The following EPB41L4A variants were observed in gnomAD, a reference collection of about 807,000 sequenced individuals.
EPB41L4A encodes the protein erythrocyte membrane protein band 4.1 like 4A.
In EPB41L4A, 100 loss-of-function variants were observed where a neutral mutation model predicts 108.6. The ratio of observed to expected loss-of-function variants is 0.92; its 90% CI spans 0.78 to 1.09. The LOEUF is 1.09. Among genes scored for constraint, EPB41L4A ranks in the 50% least tolerant of loss-of-function variants. EPB41L4A has a pLI of 0.00. For missense variants in EPB41L4A, 1,030 were observed against 842.7 expected, an observed-to-expected ratio of 1.22 and a Z score of -2.75; for synonymous variants, 319 against 289.0, an observed-to-expected ratio of 1.10 and a Z score of -1.05.
rs541086405 is a variant in EPB41L4A at position 112,330,482 on chromosome 5, C to G, written c.100-22992G>C. On this transcript the variant is annotated intron_variant, in intron 1 of 22. Coordinates refer to ENST00000261486, the MANE Select transcript of EPB41L4A (RefSeq NM_022140.5). The stretch of plus-strand genomic sequence containing the variant: ...CGCATTGTCTTAAGTTTTAAAAAAG[C>G]AGGATGCAGGGTATCAGTGGCTTGC... Among the ~76,000 whole-genome samples, 3 of 151,976 alleles carry G rather than the reference C, an allele frequency of 2.0e-5. 1 individual carries two copies. The South Asian group carries it at 6.2e-4, about 32-fold the overall frequency.
intron 1 of EPB41L4A, among the ~76,000 whole-genome samples, chr5:112,329,660 T>C (rs914576163): frequency 7.9e-5 from 12 of 152,206 alleles, no homozygotes; most frequent in African/African-American, 2.9e-4. Context: ...TCTGATTTTA[T>C]CTGTTCAGTG....
intron 1 of EPB41L4A, among the ~76,000 whole-genome samples, chr5:112,390,183 T>C (rs888953623): frequency 6.6e-6 from 1 of 152,100 alleles, no homozygotes; most frequent in Middle Eastern, 3.2e-3. Flanking sequence ...GGTTCATCTA[T>C]TTGGGACTGG....
At chr5:112,190,473 T>C (rs1449448302) in intron 17 of EPB41L4A, among the ~76,000 whole-genome samples, 1 of 151,964 alleles carries the variant, frequency 6.6e-6, no homozygotes, top group African/African-American at 2.4e-5. Flanking sequence ...AGAATCCTGG[T>C]GTAAAAATAA....
chr5:112,181,965 C>G (rs1761179844), intron 18 of EPB41L4A, among the ~76,000 whole-genome samples: 1 of 151,622 alleles, frequency 6.6e-6, no homozygotes, highest in African/African-American at 2.4e-5. Context: ...CCCAGCTACT[C>G]AGGAGGCTGA....
At chr5:112,347,482 C>T (rs1010655121) in intron 1 of EPB41L4A, among the ~76,000 whole-genome samples, 1 of 152,158 alleles carries the variant, frequency 6.6e-6, no homozygotes, top group Non-Finnish European at 1.5e-5. Context: ...TTTCACTCCC[C>T]CACAATTCCA....
chr5:112,271,369 C>A (rs1030780436), intron 4 of EPB41L4A, among the ~76,000 whole-genome samples: 6 of 152,270 alleles, frequency 3.9e-5, no homozygotes, highest in African/African-American at 1.4e-4. Flanking sequence ...CTACCTTTAT[C>A]ATTATTGAAC....
chr5:112,323,581 C>T (rs1010468046), intron 1 of EPB41L4A, among the ~76,000 whole-genome samples: 3 of 152,154 alleles, frequency 2.0e-5, no homozygotes, highest in Admixed American at 6.5e-5. Flanking sequence ...CTCAGTCCCA[C>T]AAATCTTATT....
At chr5:112,391,759 C>A (rs963604187) in intron 1 of EPB41L4A, among the ~76,000 whole-genome samples, 2 of 152,000 alleles carry the variant, frequency 1.3e-5, no homozygotes, top group South Asian at 2.1e-4. Context: ...AGAAGAGCAA[C>A]CCCAAGACAC....
intron 4 of EPB41L4A, among the ~76,000 whole-genome samples, chr5:112,274,326 A>G (rs549682407): frequency 8.5e-5 from 13 of 152,250 alleles, no homozygotes; most frequent in African/African-American, 3.1e-4. Flanking sequence ...TCTTTTCATC[A>G]ATCAATCAAT....
At chr5:112,363,418 CAA>C (rs70973635) in intron 1 of EPB41L4A, 56 of 94,898 alleles carry the variant, frequency 5.9e-4, no homozygotes, top group Middle Eastern at 5.3e-3. Flanking sequence ...CTTGACTCTA[CAA>C]AAAAAAAAAA....
chr5:112,238,629 T>C (rs959777814), intron 11 of EPB41L4A, among the ~76,000 whole-genome samples: 3 of 152,224 alleles, frequency 2.0e-5, no homozygotes, highest in African/African-American at 7.2e-5. Context: ...CATTCAGTGA[T>C]GTCTCCAATG....
At chr5:112,268,505 TTCC>T (rs1752026913) in intron 4 of EPB41L4A, among the ~76,000 whole-genome samples, 1 of 152,202 alleles carries the variant, frequency 6.6e-6, no homozygotes, top group African/African-American at 2.4e-5. Context: ...CAAATTTCTT[TTCC>T]TGAAGTGTAT....
At chr5:112,322,611 T>C (rs187554115) in intron 1 of EPB41L4A, among the ~76,000 whole-genome samples, 2 of 152,054 alleles carry the variant, frequency 1.3e-5, no homozygotes, top group Non-Finnish European at 2.9e-5. Context: ...ACTGTGCCGG[T>C]GAGCCAAACT....
chr5:112,220,922 A>T (rs1580460453), intron 12 of EPB41L4A, among the ~76,000 whole-genome samples: 2 of 152,314 alleles, frequency 1.3e-5, no homozygotes, highest in East Asian at 3.9e-4. Context: ...TATTACCATT[A>T]GAATATACCC....
chr5:112,276,725 T>C (rs4415122), intron 3 of EPB41L4A, among the ~76,000 whole-genome samples: 151,962 of 152,326 alleles, frequency 1, 75,800 homozygotes, highest in Middle Eastern at 1. Flanking sequence ...GAAATTAAAA[T>C]GAACAAGAAT....
chr5:112,146,040 A>T (rs17134156), intron 12 of EPB41L4A: 64,964 of 454,204 alleles, frequency 0.14, 5,227 homozygotes, highest in African/African-American at 0.25. Context: ...GTCAAACCCA[A>T]TCTGGCTTCT....
intron 20 of EPB41L4A, among the ~76,000 whole-genome samples, chr5:112,169,380 T>G (rs905383554): frequency 2.0e-5 from 3 of 152,196 alleles, no homozygotes; most frequent in Admixed American, 2.0e-4. Flanking sequence ...AATGAAATTA[T>G]TCCTTACCGT....
chr5:112,355,661 T>C (rs1040537371), intron 1 of EPB41L4A, among the ~76,000 whole-genome samples: 2 of 152,210 alleles, frequency 1.3e-5, no homozygotes, highest in Non-Finnish European at 2.9e-5. Flanking sequence ...GAACTATGTT[T>C]TGCCGAAGAA....
intron 1 of EPB41L4A, among the ~76,000 whole-genome samples, chr5:112,351,270 G>A (rs1403738790): frequency 1.3e-5 from 2 of 152,042 alleles, no homozygotes; most frequent in Admixed American, 6.5e-5. Context: ...AATAAAATCA[G>A]AAACAGAAAA....
Sources: allele counts gnomAD v4.1 joint callset (sites outside exome capture counted in the v4.1 genomes callset), GRCh38; gene constraint gnomAD v4.1.1; transcripts MANE v1.5; gene names NCBI Gene and HGNC (gene_info 2026-07-23, HGNC 2026-07-21).